Variants in ATP13A4 observed in about 807,000 individuals in gnomAD.
ATP13A4 encodes ATPase 13A4.
In ATP13A4, 114 loss-of-function variants were observed where a neutral mutation model predicts 142.5. That is an observed-to-expected ratio of 0.80 (90% CI 0.69 to 0.93). ATP13A4 has a LOEUF of 0.93. Among genes scored for constraint, ATP13A4 ranks in the 40% least tolerant of loss-of-function variants. The pLI is 0.00. For synonymous variants in ATP13A4, 488 were observed against 514.8 expected, an observed-to-expected ratio of 0.95 and a Z score of 0.70; for missense variants, 1,392 against 1,454.0, an observed-to-expected ratio of 0.96 and a Z score of 0.69.
Position 193,465,048 on chromosome 3 carries a change from G to A in ATP13A4, c.1353C>T (p.Thr451=). The part of the protein sequence containing the change: ...AVPPALPAAL[T]TGIIYAQRRL... Reference sequence around the variant, plus strand: ...TCCTCTGGGCATAGATAATGCCTGTGGTCAGAGCAGCAGGTAGAGCCGGAG... The same window carrying A: ...TCCTCTGGGCATAGATAATGCCTGTAGTCAGAGCAGCAGGTAGAGCCGGAG... Residue 451 remains threonine, a synonymous_variant, in exon 12 of 30, where the codon ACC becomes ACT. Coordinates refer to ENST00000342695, the MANE Select transcript of ATP13A4 (RefSeq NM_032279.4). The A allele has an allele frequency of 6.2e-7, 1 of 1,614,106 alleles. No homozygotes were observed. The highest frequency in any genetic ancestry group is 8.5e-7 in the Non-Finnish European group (1 of 1,180,006).
chr3:193,493,189 C>G (rs779828949), intron 3 of ATP13A4, 29 bp from the exon 4 acceptor site: 4 of 1,595,140 alleles, frequency 2.5e-6, no homozygotes, highest in Non-Finnish European at 3.4e-6. Flanking sequence ...AAGAAAACCT[C>G]TAGTTTGAGG....
At chr3:193,577,458 C>T (rs542554469) in intron 2 of ATP13A4, among the ~76,000 whole-genome samples, 13 of 152,342 alleles carry the variant, frequency 8.5e-5, no homozygotes, top group Admixed American at 3.9e-4. Context: ...CAGCTCAAAA[C>T]TCACAGAACA....
intron 8 of ATP13A4, among the ~76,000 whole-genome samples, chr3:193,473,803 A>G (rs1718755863): frequency 6.6e-6 from 1 of 152,216 alleles, no homozygotes; most frequent in Non-Finnish European, 1.5e-5. Flanking sequence ...AAATAACCAG[A>G]GTCAGAAGAG....
chr3:193,447,093 A>G (rs980474316), intron 18 of ATP13A4, among the ~76,000 whole-genome samples: 1 of 152,226 alleles, frequency 6.6e-6, no homozygotes, highest in Admixed American at 6.5e-5. Context: ...AGAAATTTCA[A>G]TATGAGAAAA....
chr3:193,482,715 C>A (rs1719363438), intron 8 of ATP13A4, among the ~76,000 whole-genome samples: 1 of 152,160 alleles, frequency 6.6e-6, no homozygotes, highest in Admixed American at 6.5e-5. Context: ...CTACCACACA[C>A]CAAAGTGGCC....
intron 2 of ATP13A4, among the ~76,000 whole-genome samples, chr3:193,508,490 T>C (rs528802053): frequency 1.2e-4 from 18 of 152,366 alleles, no homozygotes; most frequent in African/African-American, 4.1e-4. Context: ...TGCCTCCATC[T>C]GTAAAACTGG....
At chr3:193,445,559 C>A (rs1466977479) in intron 18 of ATP13A4, among the ~76,000 whole-genome samples, 1 of 151,986 alleles carries the variant, frequency 6.6e-6, no homozygotes, top group Non-Finnish European at 1.5e-5. Context: ...AAGTTCAAGA[C>A]CATCCTGGCC....
chr3:193,509,848 T>C (rs1451929361), intron 2 of ATP13A4, among the ~76,000 whole-genome samples: 1 of 152,186 alleles, frequency 6.6e-6, no homozygotes, highest in Non-Finnish European at 1.5e-5. Context: ...AGCATGTGTG[T>C]GTGTTGACTC....
At chr3:193,488,093 G>A (rs760702270) in intron 7 of ATP13A4, among the ~76,000 whole-genome samples, 121 of 152,154 alleles carry the variant, frequency 8.0e-4, no homozygotes, top group Non-Finnish European at 1.1e-3. Flanking sequence ...GTGAAACACC[G>A]TCTCGACTAA....
chr3:193,579,672 T>C (rs1305530397), intron 2 of ATP13A4, among the ~76,000 whole-genome samples: 1 of 152,128 alleles, frequency 6.6e-6, no homozygotes, highest in Non-Finnish European at 1.5e-5. Context: ...GTCATTTCTA[T>C]GCCAGCCCTT....
At chr3:193,557,675 G>A (rs183191999), upstream of ATP13A4, among the ~76,000 whole-genome samples, 149 of 152,286 alleles carry the variant, frequency 9.8e-4, no homozygotes, top group African/African-American at 3.4e-3. Context: ...CTCCCAATCC[G>A]TGATCCTAGT....
intron 29 of ATP13A4, among the ~76,000 whole-genome samples, chr3:193,406,752 G>C (rs562572961): frequency 6.6e-6 from 1 of 152,156 alleles, no homozygotes; most frequent in Non-Finnish European, 1.5e-5. Context: ...ACACACAAAA[G>C]GCCACATATT....
At chr3:193,585,875 G>A (rs1724657561) in intron 1 of ATP13A4, among the ~76,000 whole-genome samples, 1 of 152,112 alleles carries the variant, frequency 6.6e-6, no homozygotes, top group Non-Finnish European at 1.5e-5. Flanking sequence ...AGACCAAAGG[G>A]GAAGTGTATA....
At chr3:193,589,406 A>C (rs187632406) in intron 1 of ATP13A4, among the ~76,000 whole-genome samples, 2 of 152,260 alleles carry the variant, frequency 1.3e-5, no homozygotes, top group East Asian at 1.9e-4. Flanking sequence ...GAACTTGGAG[A>C]TCTCCCAAGA....
At chr3:193,455,446 T>C (rs1380188776) in intron 16 of ATP13A4, among the ~76,000 whole-genome samples, 2 of 151,788 alleles carry the variant, frequency 1.3e-5, no homozygotes, top group African/African-American at 2.4e-5. Context: ...CTCAACATCA[T>C]TGATCATTAA....
intron 1 of ATP13A4, among the ~76,000 whole-genome samples, chr3:193,540,988 G>A (rs1195522695): frequency 2.0e-5 from 3 of 152,122 alleles, no homozygotes; most frequent in Non-Finnish European, 2.9e-5. Context: ...GGTGGCTCAC[G>A]CCTGTAATCC....
intron 1 of ATP13A4, chr3:193,554,446 G>A (rs1723777037): frequency 2.1e-6 from 1 of 474,724 alleles, no homozygotes; most frequent in South Asian, 2.1e-5. Flanking sequence ...GCTCAAACAA[G>A]AATCATAAAG....
chr3:193,531,117 G>A (rs80179349), intron 1 of ATP13A4, among the ~76,000 whole-genome samples: 3,648 of 152,090 alleles, frequency 0.024, 50 homozygotes, highest in East Asian at 0.033. Context: ...GGAGTGGGTC[G>A]TGGCTTCTCC....
intron 23 of ATP13A4, among the ~76,000 whole-genome samples, chr3:193,438,124 G>A (rs368171896): frequency 7.9e-5 from 12 of 152,048 alleles, no homozygotes; most frequent in Admixed American, 2.6e-4. Context: ...GAGCCACTGC[G>A]CCCGGCCAAA....
Sources: gnomAD v4.1 joint callset for allele counts (sites outside exome capture counted in the v4.1 genomes callset) on GRCh38, gnomAD v4.1.1 for gene constraint, MANE v1.5 for transcripts, NCBI Gene and HGNC (gene_info 2026-07-23, HGNC 2026-07-21) for gene names.